The following CTNNBL1 variants were observed in gnomAD, a reference collection of about 807,000 sequenced individuals.
CTNNBL1 encodes beta-catenin-like protein 1.
In CTNNBL1, 31 loss-of-function variants were observed where a neutral mutation model predicts 72.7. The ratio of observed to expected loss-of-function variants is 0.43; its 90% CI spans 0.32 to 0.58. The LOEUF is 0.58. Ranked by LOEUF, CTNNBL1 falls within the 20% of genes least tolerant of loss-of-function variation. The probability of loss-of-function intolerance (pLI) is 0.08; values close to 1 mark genes in which losing one functional copy is unlikely to be tolerated. For missense variants in CTNNBL1, 534 were observed against 725.1 expected (o/e 0.74, Z 3.03); for synonymous variants, 240 against 267.3 (o/e 0.90, Z 1.00).
rs150872211 is a variant in CTNNBL1, at chr20:37,732,907, A to G, written c.59A>G (p.Asp20Gly). ...AATAGGGGCACAAAACGTCCCCGGG[A>G]TGATGAAGAGGAGGAGCAGAAGATG... ...QPNRGTKRPR[D>G]DEEEEQKMRR... is the part of the protein sequence containing the mutation. Residue 20 changes from aspartate (D) to glycine (G), a missense_variant, in exon 2 of 16, where the codon GAT becomes GGT. By Grantham distance (94) the Asp-to-Gly change is moderately conservative. Coordinates refer to ENST00000361383, the MANE Select transcript of CTNNBL1 (RefSeq NM_030877.5). 1 of 1,613,802 alleles carries G rather than the reference A, an allele frequency of 6.2e-7. No homozygotes were observed. The highest frequency in any genetic ancestry group is 8.5e-7 in the Non-Finnish European group (1 of 1,179,968).
intron 1 of CTNNBL1, among the ~76,000 whole-genome samples, chr20:37,725,337 C>T (rs1311047705): frequency 1.3e-5 from 2 of 150,842 alleles, no homozygotes; most frequent in Non-Finnish European, 3.0e-5. Flanking sequence ...CTCTTGTTTT[C>T]CCAGGCAGGA....
In CTNNBL1 at chr20:37,834,781, G is replaced by A. The variant is rs2072240288; in HGVS notation, c.1214-5321G>A. The stretch of plus-strand genomic sequence containing the variant: ...ATGGGTTCCACATTTATAAAATGGA[G>A]ATGTGGATAGTACCTTTTCCACAGC... On this transcript the variant is annotated intron_variant, in intron 11 of 15. Transcript: ENST00000361383. Among the ~76,000 whole-genome samples, 4 of 152,298 alleles carry A rather than the reference G, an allele frequency of 2.6e-5. 1 individual carries two copies. The Middle Eastern group carries it at 0.01, about 389-fold the overall frequency.
intron 1 of CTNNBL1, among the ~76,000 whole-genome samples, chr20:37,731,640 T>C (rs375638166): frequency 1.1e-4 from 17 of 152,338 alleles, no homozygotes; most frequent in African/African-American, 3.8e-4. Flanking sequence ...TCAGCTTTTT[T>C]AGATTCCACA....
In CTNNBL1 at chr20:37,798,861, G is replaced by C. The variant is rs998694394; in HGVS notation, c.1032-4006G>C. Among the ~76,000 whole-genome samples, 52 of 152,080 alleles carry C rather than the reference G, an allele frequency of 3.4e-4. 1 individual carries two copies. Among genetic ancestry groups the C allele is most frequent in the African/African-American group, 1.2e-3 (50 of 41,394 alleles). ...CATTTCAAGAGGCCTTTTCCTGAGTGACTAAACAATACAGATATTATATCT... is the reference window on the plus strand; with the variant it reads ...CATTTCAAGAGGCCTTTTCCTGAGTCACTAAACAATACAGATATTATATCT... On this transcript the variant is annotated intron_variant, in intron 10 of 15. Coordinates refer to ENST00000361383, the MANE Select transcript of CTNNBL1 (RefSeq NM_030877.5).
At chr20:37,869,484 GC>G (rs1246187830) in intron 15 of CTNNBL1, among the ~76,000 whole-genome samples, 1 of 152,264 alleles carries the variant, frequency 6.6e-6, no homozygotes, top group East Asian at 1.9e-4. Flanking sequence ...AGATCCTTCA[GC>G]ACGACACTCT....
chr20:37,696,164 A>G (rs1297604537), intron 1 of CTNNBL1, among the ~76,000 whole-genome samples: 1 of 152,234 alleles, frequency 6.6e-6, no homozygotes, highest in East Asian at 1.9e-4. Flanking sequence ...CTGGGTATAC[A>G]ACACTGAATA....
At chr20:37,835,649 T>C (rs2072247010) in intron 11 of CTNNBL1, among the ~76,000 whole-genome samples, 1 of 152,238 alleles carries the variant, frequency 6.6e-6, no homozygotes, top group Admixed American at 6.5e-5. Context: ...GGAATATGTT[T>C]TAAGAATATT....
At chr20:37,761,435 G>A (rs2073416701) in intron 5 of CTNNBL1, among the ~76,000 whole-genome samples, 1 of 152,204 alleles carries the variant, frequency 6.6e-6, no homozygotes, top group South Asian at 2.1e-4. Flanking sequence ...GTGAGGCTGA[G>A]GTTGGCCAGG....
chr20:37,837,510 T>C (rs1192025313), intron 11 of CTNNBL1, among the ~76,000 whole-genome samples: 1 of 152,216 alleles, frequency 6.6e-6, no homozygotes, highest in African/African-American at 2.4e-5. Context: ...AAATATGTTA[T>C]TGAAATTGAT....
chr20:37,749,642 T>C (rs1174495537), intron 4 of CTNNBL1, among the ~76,000 whole-genome samples: 1 of 152,198 alleles, frequency 6.6e-6, no homozygotes, highest in Non-Finnish European at 1.5e-5. Flanking sequence ...TTAAAGTGCA[T>C]TTGAAATTTT....
At chr20:37,753,650 A>G (rs1186647626) in intron 4 of CTNNBL1, among the ~76,000 whole-genome samples, 2 of 152,214 alleles carry the variant, frequency 1.3e-5, no homozygotes, top group Non-Finnish European at 2.9e-5. Context: ...TGAAGGCAAT[A>G]GTGAGCGCTT....
chr20:37,747,722 A>C (rs762515100), intron 4 of CTNNBL1, among the ~76,000 whole-genome samples: 4 of 152,146 alleles, frequency 2.6e-5, no homozygotes, highest in African/African-American at 9.7e-5. Context: ...CTACAGGTGC[A>C]TACCACCATG....
chr20:37,789,552 G>A (rs2073706402), intron 10 of CTNNBL1, among the ~76,000 whole-genome samples: 1 of 152,146 alleles, frequency 6.6e-6, no homozygotes, highest in African/African-American at 2.4e-5. Context: ...AATTAGTCAG[G>A]AAATGAGGAT....
chr20:37,810,811 T>C (rs2072005502), intron 11 of CTNNBL1, among the ~76,000 whole-genome samples: 1 of 152,334 alleles, frequency 6.6e-6, no homozygotes, highest in South Asian at 2.1e-4. Context: ...ACATGAGTTT[T>C]GGATTAAGAC....
chr20:37,718,481 C>T (rs1270461795), intron 1 of CTNNBL1, among the ~76,000 whole-genome samples: 1 of 138,616 alleles, frequency 7.2e-6, no homozygotes, highest in Non-Finnish European at 1.6e-5. Context: ...CCACCTCCCT[C>T]CCAGACGGGG....
At chr20:37,754,811 C>T (rs1420669828) in intron 4 of CTNNBL1, among the ~76,000 whole-genome samples, 3 of 144,648 alleles carry the variant, frequency 2.1e-5, no homozygotes, top group Non-Finnish European at 4.6e-5. Flanking sequence ...CTTTAGATAA[C>T]TTTTTTTTTT....
At chr20:37,719,601 T>C (rs2122574729) in intron 1 of CTNNBL1, among the ~76,000 whole-genome samples, 1 of 152,330 alleles carries the variant, frequency 6.6e-6, no homozygotes, top group East Asian at 1.9e-4. Flanking sequence ...ATGAGGACAG[T>C]TCCTTTCTCA....
intron 10 of CTNNBL1, among the ~76,000 whole-genome samples, chr20:37,780,273 T>C (rs971476294): frequency 1.3e-5 from 2 of 152,098 alleles, no homozygotes; most frequent in African/African-American, 4.8e-5. Context: ...ATAAATGTGA[T>C]ATATATTTGT....
intron 4 of CTNNBL1, 150 bp downstream of exon 4, chr20:37,746,757 T>C: frequency 1.9e-6 from 2 of 1,050,212 alleles, no homozygotes; most frequent in South Asian, 2.7e-5. Flanking sequence ...CACACAATGC[T>C]TTTTACTCAT....
Sources: allele counts gnomAD v4.1 joint callset (sites outside exome capture counted in the v4.1 genomes callset), GRCh38; gene constraint gnomAD v4.1.1; transcripts MANE v1.5; gene names NCBI Gene and HGNC (gene_info 2026-07-23, HGNC 2026-07-21).